MAGI2: variants seen among roughly 807,000 people sequenced by gnomAD.
MAGI2 encodes the protein membrane-associated guanylate kinase, WW and PDZ domain-containing protein 2.
MAGI2 carries 35 observed loss-of-function variants against 133.3 expected under a neutral mutation model. The observed-to-expected ratio is 0.26, with a 90% confidence interval of 0.20 to 0.35. The LOEUF is 0.35. Ranked by LOEUF, MAGI2 falls within the 10% of genes least tolerant of loss-of-function variation. The probability of loss-of-function intolerance (pLI) is 1.00; values close to 1 mark genes in which losing one functional copy is unlikely to be tolerated. For missense variants in MAGI2, 1,636 were observed against 1,863.4 expected (o/e 0.88, Z 2.25); for synonymous variants, 729 against 710.6 (o/e 1.03, Z -0.41).
intron 2 of MAGI2, among the ~76,000 whole-genome samples, chr7:78,958,743 G>A (rs1297775052): frequency 6.6e-6 from 1 of 152,074 alleles, no homozygotes. Context: ...AGGCCCTAGT[G>A]TACCAGAAAT....
At chr7:79,124,355 CAT>C (rs1739492383) in intron 1 of MAGI2, among the ~76,000 whole-genome samples, 1 of 152,144 alleles carries the variant, frequency 6.6e-6, no homozygotes, top group African/African-American at 2.4e-5. Context: ...ATTAAAATTT[CAT>C]TGCTCATGTA....
chr7:78,484,556 C>T (rs377161347), intron 6 of MAGI2: 1 of 151,926 alleles, frequency 6.6e-6, no homozygotes, highest in African/African-American at 2.4e-5. Flanking sequence ...GGGAAACCCC[C>T]CAGTGTATTA....
intron 4 of MAGI2, among the ~76,000 whole-genome samples, chr7:78,511,548 TAA>T (rs762909105): frequency 1.7e-5 from 2 of 114,948 alleles, no homozygotes; most frequent in African/African-American, 7.3e-5. Flanking sequence ...TATATATATA[TAA>T]ATTTTTTTTT....
chr7:78,406,527 AT>A (rs1797391157), intron 6 of MAGI2, among the ~76,000 whole-genome samples: 1 of 152,044 alleles, frequency 6.6e-6, no homozygotes, highest in South Asian at 2.1e-4. Flanking sequence ...GCCGGCTGAT[AT>A]TTAGTGATTT....
intron 2 of MAGI2, among the ~76,000 whole-genome samples, chr7:78,808,683 C>T (rs531670265): frequency 5.7e-4 from 86 of 152,174 alleles, no homozygotes; most frequent in Non-Finnish European, 1.1e-3. Context: ...ACTGAGGAAA[C>T]GCACTTCACG....
chr7:78,059,646 A>T lies in MAGI2; in HGVS notation c.3706+19301T>A, dbSNP rs558942534. ...GGAGCCCTGTCTGACTATTCTGGTC[A>T]TTATTTCTGCTACTTGCCTCAAATG... On this transcript the variant is annotated intron_variant, in intron 21 of 21. Coordinates refer to ENST00000354212, the MANE Select transcript of MAGI2 (RefSeq NM_012301.4). 2.0e-4 allele frequency among the ~76,000 whole-genome samples: 30 copies of T among 152,246 alleles called. 1 individual carries two copies. In the South Asian group the frequency reaches 6.2e-3, roughly 32 times the overall value.
At chr7:79,103,785 C>T (rs1011975109) in intron 1 of MAGI2, among the ~76,000 whole-genome samples, 12 of 152,054 alleles carry the variant, frequency 7.9e-5, no homozygotes, top group South Asian at 2.1e-4. Flanking sequence ...CTGCAAGCTC[C>T]GCCTCCCGGG....
intron 16 of MAGI2, among the ~76,000 whole-genome samples, chr7:78,156,324 C>G (rs1019575219): frequency 1.3e-5 from 2 of 152,130 alleles, no homozygotes; most frequent in Admixed American, 6.5e-5. Flanking sequence ...GGGGAAGCTT[C>G]CCTCAGAGAT....
rs569538838 is a variant in MAGI2 at position 79,254,478 on chromosome 7, T to C, written c.301+198542A>G. Among the ~76,000 whole-genome samples, 3 of 152,338 alleles carry C rather than the reference T, an allele frequency of 2.0e-5. No homozygotes were observed. The South Asian group carries it at 6.2e-4, about 32-fold the overall frequency. ...AAAAAGTTTTCTTGCCATTATTTTC[T>C]CTATCTTCTCTTCTCTTTATGTTTA... On this transcript the variant is annotated intron_variant, in intron 1 of 21. Transcript: ENST00000354212.
At chr7:78,931,108 A>G (rs1461723333) in intron 2 of MAGI2, among the ~76,000 whole-genome samples, 1 of 152,108 alleles carries the variant, frequency 6.6e-6, no homozygotes, top group Non-Finnish European at 1.5e-5. Flanking sequence ...AAAACCAAAC[A>G]CAGAAATAAA....
intron 1 of MAGI2, among the ~76,000 whole-genome samples, chr7:79,404,826 C>T (rs1845697840): frequency 6.6e-6 from 1 of 152,164 alleles, no homozygotes; most frequent in Non-Finnish European, 1.5e-5. Context: ...CTGGGCATTA[C>T]TTCCAAGCAT....
intron 20 of MAGI2, among the ~76,000 whole-genome samples, chr7:78,095,935 T>G (rs1817651517): frequency 6.6e-6 from 1 of 152,154 alleles, no homozygotes; most frequent in Non-Finnish European, 1.5e-5. Context: ...AGATAAAGCT[T>G]GTGGATTATC....
chr7:79,038,532 T>C (rs1388010678), intron 1 of MAGI2, among the ~76,000 whole-genome samples: 1 of 152,196 alleles, frequency 6.6e-6, no homozygotes. Flanking sequence ...TATACTTTCA[T>C]TTTTTAAAAA....
chr7:79,335,264 T>G (rs1174990797), intron 1 of MAGI2, among the ~76,000 whole-genome samples: 2 of 152,246 alleles, frequency 1.3e-5, no homozygotes, highest in South Asian at 4.1e-4. Flanking sequence ...GCAGAGCGTT[T>G]AGGTTGTGTC....
At chr7:78,657,364 C>T (rs1239695571) in intron 2 of MAGI2, among the ~76,000 whole-genome samples, 1 of 152,186 alleles carries the variant, frequency 6.6e-6, no homozygotes, top group East Asian at 1.9e-4. Flanking sequence ...ACACAAAAAC[C>T]TGCATGTGGA....
chr7:79,146,244 A>G (rs954913586), intron 1 of MAGI2, among the ~76,000 whole-genome samples: 1 of 152,178 alleles, frequency 6.6e-6, no homozygotes, highest in African/African-American at 2.4e-5. Flanking sequence ...GCAAACACAG[A>G]AGAAGATTAA....
At chr7:79,195,092 C>CT (rs1253612651) in intron 1 of MAGI2, among the ~76,000 whole-genome samples, 2 of 151,952 alleles carry the variant, frequency 1.3e-5, no homozygotes, top group Admixed American at 6.6e-5. Context: ...TCAATTACCA[C>CT]TTTTTTGTAA....
In MAGI2 at chr7:79,379,532, G is replaced by A. The variant is rs540500854; in HGVS notation, c.301+73488C>T. ...TCTAGTTCTAGATCCTTGAGGAATCGCCACACTGTCTTCCACAATGGTTGA... is the reference window on the plus strand; with the variant it reads ...TCTAGTTCTAGATCCTTGAGGAATCACCACACTGTCTTCCACAATGGTTGA... On this transcript the variant is annotated intron_variant, in intron 1 of 21. Transcript: ENST00000354212. 4.0e-5 allele frequency among the ~76,000 whole-genome samples: 6 copies of A among 151,366 alleles called. No homozygotes were observed. The East Asian group carries it at 5.9e-4, about 15-fold the overall frequency.
chr7:79,106,018 G>T (rs1241629214), intron 1 of MAGI2, among the ~76,000 whole-genome samples: 1 of 152,052 alleles, frequency 6.6e-6, no homozygotes, highest in Non-Finnish European at 1.5e-5. Context: ...CAAAAACTAT[G>T]CTGGAATGTG....
Sources: allele counts gnomAD v4.1 joint callset (sites outside exome capture counted in the v4.1 genomes callset), GRCh38; gene constraint gnomAD v4.1.1; transcripts MANE v1.5; gene names NCBI Gene and HGNC (gene_info 2026-07-23, HGNC 2026-07-21).